Variants in THADA observed in about 807,000 individuals in gnomAD.
THADA encodes the protein THADA armadillo repeat containing.
A neutral mutation model predicts 219.8 loss-of-function variants in THADA; 213 were observed. The observed-to-expected ratio is 0.97, with a 90% confidence interval of 0.87 to 1.09. The LOEUF (loss-of-function observed/expected upper bound fraction) is 1.09. Ranked by LOEUF, THADA falls within the 50% of genes least tolerant of loss-of-function variation. THADA has a pLI of 0.00. For missense variants in THADA, 2,956 were observed against 2,311.3 expected, an observed-to-expected ratio of 1.28 and a Z score of -5.72; for synonymous variants, 1,018 against 828.9, an observed-to-expected ratio of 1.23 and a Z score of -3.92.
intron 36 of THADA, among the ~76,000 whole-genome samples, chr2:43,262,508 G>C (rs563755056): frequency 6.6e-6 from 1 of 152,152 alleles, no homozygotes; most frequent in Admixed American, 6.5e-5. Context: ...GCAGTCACTT[G>C]AGAGAGAAAA....
In THADA at chr2:43,297,465, C is replaced by A. The variant is rs1366565892; in HGVS notation, c.4439-4252G>T. On this transcript the variant is annotated intron_variant, in intron 31 of 37. Transcript: ENST00000405975. The stretch of plus-strand genomic sequence containing the variant: ...AGGGAGGTGGGGGGGGGTCAGCCCC[C>A]CGCCCGGCCAGCCGCCCCATCCGGG... 1.1e-4 allele frequency among the ~76,000 whole-genome samples: 12 copies of A among 111,610 alleles called. 1 individual carries two copies. The highest frequency in any genetic ancestry group is 1.9e-4 in the Non-Finnish European group (11 of 56,644). 73.2% of individuals were successfully genotyped at this position (111,610 alleles called of 152,430 possible). A position where few individuals can be genotyped will look rare whatever the true frequency, so the allele number is the denominator to read the frequency against.
chr2:43,544,795 T>C (rs1229936206), intron 20 of THADA, among the ~76,000 whole-genome samples: 1 of 151,744 alleles, frequency 6.6e-6, no homozygotes, highest in East Asian at 1.9e-4. Context: ...TGGGGTTTTC[T>C]AGATATACAA....
At chr2:43,341,868 C>T (rs998827608) in intron 30 of THADA, among the ~76,000 whole-genome samples, 2 of 152,094 alleles carry the variant, frequency 1.3e-5, no homozygotes, top group South Asian at 4.2e-4. Flanking sequence ...TGGTACTAGG[C>T]GTGGGTAAAC....
At chr2:43,416,825 G>A (rs941356617) in intron 28 of THADA, among the ~76,000 whole-genome samples, 3 of 152,182 alleles carry the variant, frequency 2.0e-5, no homozygotes, top group African/African-American at 7.2e-5. Flanking sequence ...CTAACAACCA[G>A]ATGCTATTGT....
chr2:43,577,052 G>A lies in THADA; in HGVS notation c.1007C>T (p.Thr336Ile), dbSNP rs1214431942. ...GRSGEALLLD[T>I]AHVLFTLSSQ... ...ACTCAAGGTGAACAAAACATGTGCA[G>A]TATCCAAGAGCAGGGCCTCCCCACT... The change falls in exon 10 of 38, where the codon ACT becomes ATT. Residue 336 changes from threonine to isoleucine, a missense_variant. Thr to Ile is a moderately conservative substitution (Grantham distance 89). Transcript: ENST00000405975. 4 of 1,613,304 alleles carry A rather than the reference G, an allele frequency of 2.5e-6. 1 individual carries two copies. The South Asian group carries it at 3.3e-5, about 13-fold the overall frequency.
At chr2:43,392,676 T>C (rs568030551) in intron 29 of THADA, among the ~76,000 whole-genome samples, 17 of 152,204 alleles carry the variant, frequency 1.1e-4, no homozygotes, top group African/African-American at 2.9e-4. Flanking sequence ...ACAGAATCTA[T>C]TGGGGTGCTC....
chr2:43,254,127 C>G (rs375144651), intron 36 of THADA, among the ~76,000 whole-genome samples: 21 of 151,964 alleles, frequency 1.4e-4, no homozygotes, highest in African/African-American at 4.8e-4. Flanking sequence ...TCACTGGCAT[C>G]TGGCCCCTGA....
chr2:43,480,555 T>A (rs1013928332), intron 26 of THADA, among the ~76,000 whole-genome samples: 1 of 152,146 alleles, frequency 6.6e-6, no homozygotes, highest in African/African-American at 2.4e-5. Context: ...CTCACGCCTA[T>A]AATCCCAGCA....
chr2:43,256,036 C>T (rs1399929833), intron 36 of THADA, among the ~76,000 whole-genome samples: 1 of 152,156 alleles, frequency 6.6e-6, no homozygotes, highest in African/African-American at 2.4e-5. Flanking sequence ...GCTGAAATGT[C>T]AAGGGGCACA....
chr2:43,550,690 G>C (rs765232776), intron 19 of THADA, among the ~76,000 whole-genome samples: 1 of 152,132 alleles, frequency 6.6e-6, no homozygotes, highest in African/African-American at 2.4e-5. Context: ...TCCTCTGTAG[G>C]ATCTACCCAC....
At chr2:43,551,026 G>A (rs1305039571) in intron 19 of THADA, among the ~76,000 whole-genome samples, 3 of 152,064 alleles carry the variant, frequency 2.0e-5, no homozygotes, top group Non-Finnish European at 2.9e-5. Context: ...TCTTACTATC[G>A]TGAACCATCA....
At position 43,428,136 on chromosome 2, in the gene THADA, G is replaced by T; in HGVS notation, c.4022C>A (p.Ala1341Asp). The T allele has an allele frequency of 6.2e-7, 1 of 1,610,610 alleles. No individual in the cohort carries two copies. The highest frequency in any genetic ancestry group is 1.3e-5 in the African/African-American group (1 of 74,928). ...YASPMDGTSS[A>D]LSMGPFVPFI... ...GGGAACAAAAGGTCCCATGCTGAGA[G>T]CAGAAGAAGTACCATCCATCGGGGA... Residue 1341 changes from alanine to aspartate, a missense_variant, in exon 28 of 38, where the codon GCT (alanine) becomes GAT (aspartate). Ala to Asp is a moderately radical substitution (Grantham distance 126, BLOSUM62 -2). Transcript: ENST00000405975.
intron 26 of THADA, among the ~76,000 whole-genome samples, chr2:43,476,024 T>C (rs1177807599): frequency 6.6e-6 from 1 of 152,224 alleles, no homozygotes; most frequent in African/African-American, 2.4e-5. Context: ...TGATTTTGGT[T>C]GGGTATTCAC....
rs1364446580 is a variant in THADA, at chr2:43,526,520, T to G, written c.3374+1359A>C. Among the ~76,000 whole-genome samples, 5 of 152,232 alleles carry G rather than the reference T, an allele frequency of 3.3e-5. No individual in the cohort carries two copies. In the South Asian group the frequency reaches 1.0e-3, roughly 32 times the overall value. On this transcript the variant is annotated intron_variant, in intron 22 of 37. Coordinates refer to ENST00000405975, the MANE Select transcript of THADA (RefSeq NM_022065.5). ...AAATTCCACCTCTTCCATGAAGCCC[T>G]ACCAGCCTATCCCCATTGCTTTCTC... is the stretch of plus-strand genomic sequence containing the variant.
intron 26 of THADA, among the ~76,000 whole-genome samples, chr2:43,460,926 G>C (rs531900754): frequency 2.6e-3 from 393 of 152,270 alleles, no homozygotes; most frequent in African/African-American, 9.0e-3. Context: ...AGAACAGTTA[G>C]GATTCACCTG....
intron 26 of THADA, among the ~76,000 whole-genome samples, chr2:43,438,656 A>G (rs1680451438): frequency 6.6e-6 from 1 of 152,162 alleles, no homozygotes. Context: ...AATACAATAA[A>G]CACTTTGGAT....
At position 43,571,876 on chromosome 2, in the gene THADA, A is replaced by G. The variant is rs781184698; in HGVS notation, c.1909-14T>C. ...ATCTATCCTTACCTAAAAAACATCA[A>G]GCAATAAAATGTTAATTTTCCAAGA... is the stretch of plus-strand genomic sequence containing the variant. On this transcript the variant is annotated splice_polypyrimidine_tract_variant and intron_variant, in intron 12 of 37. Transcript: ENST00000405975. 2 of 1,610,142 alleles carry G rather than the reference A, an allele frequency of 1.2e-6. No individual in the cohort carries two copies. Among genetic ancestry groups the G allele is most frequent in the South Asian group, 2.2e-5 (2 of 90,802 alleles).
intron 25 of THADA, among the ~76,000 whole-genome samples, chr2:43,493,794 G>A (rs1431318196): frequency 6.6e-6 from 1 of 152,098 alleles, no homozygotes; most frequent in East Asian, 1.9e-4. Flanking sequence ...TAAATAATAT[G>A]TTAAAGACTA....
At chr2:43,476,305 G>C (rs1022867298) in intron 26 of THADA, among the ~76,000 whole-genome samples, 2 of 152,196 alleles carry the variant, frequency 1.3e-5, no homozygotes, top group Middle Eastern at 3.2e-3. Context: ...AGACACTGCA[G>C]TGTCTGGATA....
Sources: gnomAD v4.1 joint callset for allele counts (sites outside exome capture counted in the v4.1 genomes callset) on GRCh38, gnomAD v4.1.1 for gene constraint, MANE v1.5 for transcripts, NCBI Gene and HGNC (gene_info 2026-07-23, HGNC 2026-07-21) for gene names.